The following TSPAN5 variants were observed in gnomAD, a reference collection of about 807,000 sequenced individuals.
TSPAN5 encodes tetraspanin 5, also known as tetraspanin-5.
Under a neutral mutation model 37.1 loss-of-function variants are expected in TSPAN5, and 10 were observed. The observed-to-expected ratio is 0.27, with a 90% CI of 0.17 to 0.46. TSPAN5 has a LOEUF of 0.46. TSPAN5 is among the 20% of genes least tolerant of loss of function. The pLI, the probability that TSPAN5 is intolerant of heterozygous loss-of-function variation, is 1.00. For synonymous variants in TSPAN5, 110 were observed against 118.9 expected, an observed-to-expected ratio of 0.93 and a Z score of 0.48; for missense variants, 195 against 326.6, an observed-to-expected ratio of 0.60 and a Z score of 3.11.
chr4:98,590,697 G>A (rs1579013792), intron 1 of TSPAN5, among the ~76,000 whole-genome samples: 4 of 148,502 alleles, frequency 2.7e-5, no homozygotes, highest in South Asian at 2.1e-4. Context: ...GCGACAGAGC[G>A]AGACTGTCTC....
chr4:98,656,203 T>G (rs145592878), intron 1 of TSPAN5, among the ~76,000 whole-genome samples: 1 of 152,070 alleles, frequency 6.6e-6, no homozygotes, highest in Non-Finnish European at 1.5e-5. Context: ...ACCTAATCCA[T>G]AGAAAGGGCT....
At chr4:98,489,068 T>G (rs985103409) in intron 2 of TSPAN5, among the ~76,000 whole-genome samples, 1 of 152,092 alleles carries the variant, frequency 6.6e-6, no homozygotes, top group African/African-American at 2.4e-5. Context: ...ATGAAGACAT[T>G]CTTAAAAGAC....
At chr4:98,498,630 T>C (rs1302763532) in intron 2 of TSPAN5, among the ~76,000 whole-genome samples, 1 of 152,142 alleles carries the variant, frequency 6.6e-6, no homozygotes, top group East Asian at 1.9e-4. Context: ...GCAGTTGCTG[T>C]GCTGTGACAC....
rs747137757 is a variant in TSPAN5 at position 98,476,178 on chromosome 4, C to A, written c.741+11G>T. Reference sequence around the variant, plus strand: ...TTTCCCTGTGATATCCATAAAGGACCCTTATCTTACCTGCAGCAATGCAAT... The same window carrying A: ...TTTCCCTGTGATATCCATAAAGGACACTTATCTTACCTGCAGCAATGCAAT... On this transcript the variant is annotated intron_variant, in intron 7 of 7. Coordinates refer to ENST00000305798, the MANE Select transcript of TSPAN5 (RefSeq NM_005723.4). 4 of 1,602,726 alleles carry A rather than the reference C, an allele frequency of 2.5e-6. No homozygotes were observed. The South Asian group carries it at 3.3e-5, about 13-fold the overall frequency.
chr4:98,501,812 A>T (rs1753357547), intron 2 of TSPAN5, among the ~76,000 whole-genome samples: 1 of 152,208 alleles, frequency 6.6e-6, no homozygotes, highest in Admixed American at 6.5e-5. Flanking sequence ...GGAGGGCTAG[A>T]AGCAGAGAAG....
chr4:98,558,003 C>T (rs537017774), intron 1 of TSPAN5, among the ~76,000 whole-genome samples: 1 of 152,210 alleles, frequency 6.6e-6, no homozygotes, highest in African/African-American at 2.4e-5. Flanking sequence ...GGGTGAGATC[C>T]TGGAACAGAA....
At chr4:98,485,500 A>C (rs1752940252) in intron 3 of TSPAN5, 1 of 151,916 alleles carries the variant, frequency 6.6e-6, no homozygotes, top group Non-Finnish European at 1.5e-5. Context: ...ACAAGAGAGA[A>C]CCAGCTGCTT....
rs1754781216 is a variant in TSPAN5, at chr4:98,557,639, G to A, written c.82-49911C>T. Among the ~76,000 whole-genome samples the A allele has an allele frequency of 3.9e-5, 6 of 152,146 alleles. No individual in the cohort carries two copies. In the South Asian group the frequency reaches 1.2e-3, roughly 32 times the overall value. On this transcript the variant is annotated intron_variant, in intron 1 of 7. Coordinates refer to ENST00000305798, the MANE Select transcript of TSPAN5 (RefSeq NM_005723.4). ...CAAAATTCCCCATTCCTTATGCAAG[G>A]GCTGTACGTAGTGGCCTCCTTCCAA...
chr4:98,483,379 G>C (rs1295636050), intron 3 of TSPAN5: 1 of 152,200 alleles, frequency 6.6e-6, no homozygotes, highest in Non-Finnish European at 1.5e-5. Context: ...CTCATTAAAA[G>C]AACAAAAGAC....
At chr4:98,549,176 C>T (rs951513655) in intron 1 of TSPAN5, among the ~76,000 whole-genome samples, 10 of 152,302 alleles carry the variant, frequency 6.6e-5, no homozygotes, top group African/African-American at 1.4e-4. Context: ...AGTGTATAAG[C>T]GTTCCCTTTT....
intron 1 of TSPAN5, among the ~76,000 whole-genome samples, chr4:98,630,756 C>T (rs10026666): frequency 0.53 from 81,111 of 152,060 alleles, 22,269 homozygotes; most frequent in African/African-American, 0.64. Context: ...ATTTAGACAG[C>T]TATTTATTAC....
intron 1 of TSPAN5, among the ~76,000 whole-genome samples, chr4:98,626,414 C>T (rs1362812993): frequency 2.0e-5 from 3 of 152,172 alleles, no homozygotes; most frequent in Non-Finnish European, 1.5e-5. Flanking sequence ...ATTTTTAAGG[C>T]ATAAGTCAGA....
At chr4:98,626,630 T>C (rs1756607843) in intron 1 of TSPAN5, among the ~76,000 whole-genome samples, 1 of 152,042 alleles carries the variant, frequency 6.6e-6, no homozygotes, top group Non-Finnish European at 1.5e-5. Flanking sequence ...ACAGGCTCCC[T>C]CTGCCGGGAC....
intron 1 of TSPAN5, among the ~76,000 whole-genome samples, chr4:98,599,852 C>T (rs955818318): frequency 2.6e-5 from 4 of 152,146 alleles, no homozygotes; most frequent in African/African-American, 9.7e-5. Context: ...TGGGTTGTTT[C>T]CAGTTTTTGG....
intron 1 of TSPAN5, among the ~76,000 whole-genome samples, chr4:98,587,133 C>T (rs950151): frequency 2.0e-5 from 3 of 152,192 alleles, no homozygotes; most frequent in Non-Finnish European, 4.4e-5. Context: ...TGCTTCCCAG[C>T]CTGCCTTCAG....
intron 1 of TSPAN5, among the ~76,000 whole-genome samples, chr4:98,577,562 G>T (rs552800256): frequency 3.3e-5 from 5 of 152,282 alleles, no homozygotes; most frequent in African/African-American, 1.2e-4. Context: ...CGTTTATTTT[G>T]GACCTGTACT....
At chr4:98,535,916 C>T (rs1754222393) in intron 1 of TSPAN5, among the ~76,000 whole-genome samples, 2 of 152,086 alleles carry the variant, frequency 1.3e-5, no homozygotes, top group African/African-American at 4.8e-5. Context: ...ACTGGTTATT[C>T]TAGTTAGCAA....
intron 1 of TSPAN5, among the ~76,000 whole-genome samples, chr4:98,606,865 G>C (rs1342324194): frequency 2.0e-5 from 3 of 152,130 alleles, no homozygotes; most frequent in Non-Finnish European, 2.9e-5. Flanking sequence ...TCATCTTTAG[G>C]GGGCATTTAT....
chr4:98,566,450 T>C (rs1394379954), intron 1 of TSPAN5, among the ~76,000 whole-genome samples: 1 of 151,866 alleles, frequency 6.6e-6, no homozygotes, highest in East Asian at 1.9e-4. Context: ...AAGATGGCAG[T>C]GGGGATGTAT....
Sources: gnomAD v4.1 joint callset for allele counts (sites outside exome capture counted in the v4.1 genomes callset) on GRCh38, gnomAD v4.1.1 for gene constraint, MANE v1.5 for transcripts, NCBI Gene and HGNC (gene_info 2026-07-23, HGNC 2026-07-21) for gene names.